The following BTRC variants were observed in gnomAD, a reference collection of about 807,000 sequenced individuals.
BTRC encodes the protein beta-transducin repeat containing E3 ubiquitin protein ligase.
BTRC carries 42 observed loss-of-function variants against 85.5 expected under a neutral mutation model. That is an observed-to-expected ratio of 0.49 (90% CI 0.38 to 0.64). The LOEUF (loss-of-function observed/expected upper bound fraction) is 0.64. Ranked by LOEUF, BTRC falls within the 30% of genes least tolerant of loss-of-function variation. The probability of loss-of-function intolerance (pLI) is 0.00; values close to 1 mark genes in which losing one functional copy is unlikely to be tolerated. For missense variants in BTRC, 594 were observed against 743.5 expected, an observed-to-expected ratio of 0.80 and a Z score of 2.34; for synonymous variants, 255 against 263.3, an observed-to-expected ratio of 0.97 and a Z score of 0.30.
At chr10:101,443,101 C>T (rs1944733574) in intron 2 of BTRC, among the ~76,000 whole-genome samples, 1 of 152,034 alleles carries the variant, frequency 6.6e-6, no homozygotes, top group Non-Finnish European at 1.5e-5. Context: ...CCAGGATGGT[C>T]TGGATCTCCT....
intron 1 of BTRC, among the ~76,000 whole-genome samples, chr10:101,367,672 A>G (rs1394827317): frequency 2.0e-5 from 3 of 152,156 alleles, no homozygotes; most frequent in Non-Finnish European, 4.4e-5. Flanking sequence ...TGTTATTGGT[A>G]TGTAAGCTCA....
chr10:101,545,912 C>CA (rs2062551263), intron 13 of BTRC, among the ~76,000 whole-genome samples: 1 of 152,084 alleles, frequency 6.6e-6, no homozygotes, highest in South Asian at 2.1e-4. Flanking sequence ...GCCAGTTCTC[C>CA]AAGAAGACCT....
chr10:101,389,840 G>C (rs949721944), intron 1 of BTRC, among the ~76,000 whole-genome samples: 2 of 151,822 alleles, frequency 1.3e-5, no homozygotes, highest in African/African-American at 4.8e-5. Context: ...GCCCAGCCTG[G>C]TCTTGACCTC....
chr10:101,354,506 C>T (rs1030251287), intron 1 of BTRC: 4 of 480,860 alleles, frequency 8.3e-6, no homozygotes, highest in African/African-American at 8.3e-5. Context: ...GCGCGGGGCC[C>T]TGGAGGGAAA....
At chr10:101,403,814 G>A (rs1046272046) in intron 1 of BTRC, among the ~76,000 whole-genome samples, 7 of 151,698 alleles carry the variant, frequency 4.6e-5, no homozygotes, top group African/African-American at 1.2e-4. Flanking sequence ...AGGCTTGTCT[G>A]GAACTCCTGG....
intron 2 of BTRC, among the ~76,000 whole-genome samples, chr10:101,435,492 A>G (rs1944504648): frequency 6.6e-6 from 1 of 152,144 alleles, no homozygotes; most frequent in African/African-American, 2.4e-5. Context: ...AATCAGTATG[A>G]TGTTTTTAAG....
intron 1 of BTRC, among the ~76,000 whole-genome samples, chr10:101,427,078 T>C (rs1944270901): frequency 6.6e-6 from 1 of 151,930 alleles, no homozygotes; most frequent in Non-Finnish European, 1.5e-5. Flanking sequence ...CTTAACCAAT[T>C]GCGTATGTAC....
chr10:101,454,919 A>G (rs1945036337), intron 2 of BTRC, among the ~76,000 whole-genome samples: 1 of 152,196 alleles, frequency 6.6e-6, no homozygotes, highest in African/African-American at 2.4e-5. Flanking sequence ...GGAATTCTGG[A>G]TGGTCCTGAA....
intron 1 of BTRC, among the ~76,000 whole-genome samples, chr10:101,416,546 AGTT>A (rs778752998): frequency 5.5e-4 from 83 of 151,956 alleles, no homozygotes; most frequent in Middle Eastern, 3.4e-3. Flanking sequence ...TGAAAGCCTG[AGTT>A]GTTGTTGTTG....
intron 1 of BTRC, among the ~76,000 whole-genome samples, chr10:101,365,265 G>T (rs1428968294): frequency 6.6e-6 from 1 of 150,786 alleles, no homozygotes; most frequent in Non-Finnish European, 1.5e-5. Flanking sequence ...TAGAGATGGG[G>T]TTTCTCCATG....
chr10:101,551,217 A>C, intron 14 of BTRC: 1 of 184,078 alleles, frequency 5.4e-6, no homozygotes, highest in Non-Finnish European at 1.1e-5. Flanking sequence ...AATGACCCAA[A>C]GGCCTGTGAT....
chr10:101,462,415 A>G (rs1461357640), intron 3 of BTRC, among the ~76,000 whole-genome samples: 3 of 152,174 alleles, frequency 2.0e-5, no homozygotes, highest in Non-Finnish European at 4.4e-5. Context: ...CAAGGTGGCT[A>G]ACGCCTATAA....
intron 1 of BTRC, among the ~76,000 whole-genome samples, chr10:101,380,786 A>G (rs894299992): frequency 3.3e-5 from 5 of 152,216 alleles, no homozygotes; most frequent in Non-Finnish European, 1.5e-5. Flanking sequence ...TGCATTGCTT[A>G]ACAATATGTG....
At chr10:101,506,102 C>T (rs1406699869) in intron 4 of BTRC, among the ~76,000 whole-genome samples, 3 of 152,226 alleles carry the variant, frequency 2.0e-5, no homozygotes, top group Admixed American at 6.5e-5. Context: ...TTAGTAGAGA[C>T]GGGGTTTCAC....
intron 3 of BTRC, among the ~76,000 whole-genome samples, chr10:101,466,085 G>A (rs111798179): frequency 2.6e-5 from 4 of 152,130 alleles, no homozygotes; most frequent in Admixed American, 2.0e-4. Flanking sequence ...TTTGAAAATT[G>A]TGGCATTACA....
At chr10:101,446,394 A>G (rs1944827933) in intron 2 of BTRC, among the ~76,000 whole-genome samples, 1 of 152,162 alleles carries the variant, frequency 6.6e-6, no homozygotes, top group South Asian at 2.1e-4. Flanking sequence ...CTCTAGGGCC[A>G]AAGGCAGACC....
chr10:101,367,645 C>T (rs981024228), intron 1 of BTRC, among the ~76,000 whole-genome samples: 4 of 152,108 alleles, frequency 2.6e-5, no homozygotes, highest in African/African-American at 9.7e-5. Context: ...CTTATAATAT[C>T]TGTAGATTAG....
rs540917041 is a variant in BTRC, at chr10:101,469,839, T to C, written c.234+7781T>C. On this transcript the variant is annotated intron_variant, in intron 3 of 14. Coordinates refer to ENST00000370187, the MANE Select transcript of BTRC (RefSeq NM_033637.4). Reference sequence around the variant, plus strand: ...ATTTTGCCTTTTCTAGAATTTTGTGTAATGGAATGCTATATTTTTGGGGTC... The same window carrying C: ...ATTTTGCCTTTTCTAGAATTTTGTGCAATGGAATGCTATATTTTTGGGGTC... 7.6e-4 allele frequency among the ~76,000 whole-genome samples: 116 copies of C among 152,344 alleles called. 1 individual carries two copies. The highest frequency in any genetic ancestry group is 2.8e-3 in the African/African-American group (115 of 41,578).
chr10:101,402,579 A>T (rs1943518438), intron 1 of BTRC, among the ~76,000 whole-genome samples: 1 of 152,232 alleles, frequency 6.6e-6, no homozygotes, highest in African/African-American at 2.4e-5. Flanking sequence ...CTATCTTAAA[A>T]ATTCTATATT....
Sources: gnomAD v4.1 joint callset for allele counts (sites outside exome capture counted in the v4.1 genomes callset) on GRCh38, gnomAD v4.1.1 for gene constraint, MANE v1.5 for transcripts, NCBI Gene and HGNC (gene_info 2026-07-23, HGNC 2026-07-21) for gene names.